The following PRKAA2 variants were observed in gnomAD, a reference collection of about 807,000 sequenced individuals.
The protein encoded by PRKAA2 is protein kinase AMP-activated catalytic subunit alpha 2.
In PRKAA2, 40 loss-of-function variants were observed where a neutral mutation model predicts 56.3. The observed-to-expected ratio is 0.71, with a 90% CI of 0.55 to 0.92. PRKAA2 has a LOEUF of 0.92. PRKAA2 is among the 40% of genes least tolerant of loss of function. The probability of loss-of-function intolerance (pLI) is 0.00; values close to 1 mark genes in which losing one functional copy is unlikely to be tolerated. For missense variants in PRKAA2, 542 were observed against 686.9 expected (o/e 0.79, Z 2.36); for synonymous variants, 214 against 234.2 (o/e 0.91, Z 0.79).
At chr1:56,680,339 T>C (rs1280337303) in intron 2 of PRKAA2, among the ~76,000 whole-genome samples, 1 of 152,144 alleles carries the variant, frequency 6.6e-6, no homozygotes, top group Non-Finnish European at 1.5e-5. Flanking sequence ...GCAGGAATTA[T>C]GGTTTTTTTT....
At chr1:56,674,844 T>G (rs1644102427) in intron 2 of PRKAA2, among the ~76,000 whole-genome samples, 1 of 152,072 alleles carries the variant, frequency 6.6e-6, no homozygotes, top group Non-Finnish European at 1.5e-5. Context: ...TATCCAACTT[T>G]AAATGTCATT....
At position 56,655,280 on chromosome 1, in the gene PRKAA2, A is replaced by ATATATATTTT; in HGVS notation, c.94+9800_94+9801insATATATTTTT. Among the ~76,000 whole-genome samples, 487 of 93,638 alleles carry ATATATATTTT rather than the reference A, an allele frequency of 5.2e-3. 12 individuals carry two copies. Among genetic ancestry groups the ATATATATTTT allele is most frequent in the African/African-American group, 0.02 (440 of 22,030 alleles). 61.4% of individuals were successfully genotyped at this position (93,638 alleles called of 152,430 possible). On this transcript the variant is annotated intron_variant, in intron 1 of 8. Transcript: ENST00000371244. ...TGTATTTATATATCTATATATATAT[A>ATATATATTTT]TTTTTTTTTTTTTTTTGTAGAGACA...
intron 2 of PRKAA2, among the ~76,000 whole-genome samples, chr1:56,677,617 C>G (rs923716823): frequency 6.6e-6 from 1 of 151,258 alleles, no homozygotes. Flanking sequence ...TAAGCAGTTG[C>G]AATTGTCATA....
chr1:56,661,879 A>G (rs1643996922), intron 1 of PRKAA2, among the ~76,000 whole-genome samples: 1 of 90,784 alleles, frequency 1.1e-5, no homozygotes, highest in African/African-American at 4.5e-5. Flanking sequence ...ACCTGCTAAT[A>G]CAATGTTACA....
chr1:56,662,763 T>G (rs1005449552), intron 1 of PRKAA2, among the ~76,000 whole-genome samples: 2 of 151,450 alleles, frequency 1.3e-5, no homozygotes, highest in Admixed American at 6.6e-5. Flanking sequence ...TGTGTGTGTG[T>G]TTTTTTTTAA....
rs1398950938 is a variant in PRKAA2, at chr1:56,703,974, G to C, written c.792G>C (p.Glu264Asp). Residue 264 changes from glutamate (E) to aspartate (D), a missense_variant, in exon 7 of 9, where the codon GAG (glutamate) becomes GAC (aspartate). By Grantham distance (45) the Glu-to-Asp change is conservative. This residue lies in a region of PRKAA2 where 198 missense variants were observed against 234.0 expected (regional missense o/e 0.85). Coordinates refer to ENST00000371244, the MANE Select transcript of PRKAA2 (RefSeq NM_006252.4). The stretch of plus-strand genomic sequence containing the variant: ...TGTATTGTGGTGTTTTTCCTAGAGA[G>C]CATGAATGGTTTAAACAAGATTTGC... The part of the protein sequence containing the change: ...LKRATIKDIR[E>D]HEWFKQDLPS... 3.1e-6 allele frequency: 5 copies of C among 1,601,302 alleles called. No homozygotes were observed. The highest frequency in any genetic ancestry group is 3.4e-6 in the Non-Finnish European group (4 of 1,174,012).
chr1:56,693,805 T>C lies in PRKAA2; in HGVS notation c.516T>C (p.Thr172=). Reference sequence around the variant, plus strand: ...TGTCAGATGGTGAATTTCTGAGAACTAGTTGCGGATCTCCAAATTATGCAG... The same window carrying C: ...TGTCAGATGGTGAATTTCTGAGAACCAGTTGCGGATCTCCAAATTATGCAG... ...NMMSDGEFLR[T]SCGSPNYAAP... Residue 172 remains threonine, a synonymous_variant, in exon 5 of 9, where the codon ACT becomes ACC. Coordinates refer to ENST00000371244, the MANE Select transcript of PRKAA2 (RefSeq NM_006252.4). The C allele has an allele frequency of 6.2e-7, 1 of 1,601,776 alleles. No homozygotes were observed.
chr1:56,654,418 T>G (rs11803642), intron 1 of PRKAA2, among the ~76,000 whole-genome samples: 5,047 of 152,214 alleles, frequency 0.033, 204 homozygotes, highest in African/African-American at 0.099. Flanking sequence ...TATTAATAAT[T>G]TTTGAAGCCA....
intron 3 of PRKAA2, among the ~76,000 whole-genome samples, chr1:56,691,837 A>G (rs1239512934): frequency 2.6e-5 from 4 of 152,148 alleles, no homozygotes; most frequent in Non-Finnish European, 2.9e-5. Context: ...CACATTTAAT[A>G]ATATTAATTG....
intron 2 of PRKAA2, among the ~76,000 whole-genome samples, chr1:56,683,105 T>C (rs1412487916): frequency 1.1e-5 from 1 of 94,124 alleles, no homozygotes; most frequent in Non-Finnish European, 2.1e-5. Flanking sequence ...TTTTTTTTGC[T>C]TAAGCAACTG....
chr1:56,675,668 A>G (rs566232274), intron 2 of PRKAA2, among the ~76,000 whole-genome samples: 1 of 152,240 alleles, frequency 6.6e-6, no homozygotes, highest in East Asian at 1.9e-4. Context: ...TTAATATACC[A>G]TTACTTAAGA....
chr1:56,663,953 G>A (rs1184664685), intron 1 of PRKAA2, among the ~76,000 whole-genome samples: 3 of 152,034 alleles, frequency 2.0e-5, no homozygotes, highest in African/African-American at 7.2e-5. Context: ...TAAAAAATTA[G>A]CTGAGCATAG....
At chr1:56,681,893 A>G (rs1040946510) in intron 2 of PRKAA2, among the ~76,000 whole-genome samples, 3 of 152,132 alleles carry the variant, frequency 2.0e-5, no homozygotes, top group Non-Finnish European at 1.5e-5. Flanking sequence ...TTCTGTGAAG[A>G]AAGTTATTGG....
chr1:56,658,825 T>G (rs1398794903), intron 1 of PRKAA2, among the ~76,000 whole-genome samples: 1 of 151,824 alleles, frequency 6.6e-6, no homozygotes, highest in Non-Finnish European at 1.5e-5. Context: ...CTGCAACCTC[T>G]GTCTCCCGGG....
At chr1:56,687,341 C>G (rs7515414) in intron 2 of PRKAA2, among the ~76,000 whole-genome samples, 60,043 of 151,860 alleles carry the variant, frequency 0.4, 12,494 homozygotes, top group Middle Eastern at 0.52. Flanking sequence ...AAGCAAAGAA[C>G]AGTTTAACAT....
chr1:56,694,171 T>A (rs1644244869), intron 5 of PRKAA2, among the ~76,000 whole-genome samples: 1 of 152,176 alleles, frequency 6.6e-6, no homozygotes, highest in Admixed American at 6.5e-5. Flanking sequence ...GTCATTTATT[T>A]ATTAGATATA....
rs536144765 is a variant in PRKAA2 at position 56,688,950 on chromosome 1, A to C, written c.237-2444A>C. Among the ~76,000 whole-genome samples the C allele has an allele frequency of 2.0e-5, 3 of 152,310 alleles. No individual in the cohort carries two copies. In the South Asian group the frequency reaches 6.2e-4, roughly 32 times the overall value. On this transcript the variant is annotated intron_variant, in intron 2 of 8. Transcript: ENST00000371244. Reference sequence around the variant, plus strand: ...AGTGCCTGGCAGACAGTAAGTGCTTAGTAACGTTATGATTTTCATTGCTCT... The same window carrying C: ...AGTGCCTGGCAGACAGTAAGTGCTTCGTAACGTTATGATTTTCATTGCTCT...
intron 1 of PRKAA2, among the ~76,000 whole-genome samples, chr1:56,657,054 G>C (rs1643950154): frequency 6.6e-6 from 1 of 152,164 alleles, no homozygotes; most frequent in South Asian, 2.1e-4. Context: ...GAAGCCCCCA[G>C]CAGAATAAAT....
intron 2 of PRKAA2, among the ~76,000 whole-genome samples, chr1:56,686,665 T>C (rs891334021): frequency 6.6e-6 from 1 of 151,994 alleles, no homozygotes; most frequent in African/African-American, 2.4e-5. Context: ...CCAGCTCTCT[T>C]ATGAACTGAG....
Sources: allele counts gnomAD v4.1 joint callset (sites outside exome capture counted in the v4.1 genomes callset), GRCh38; gene constraint gnomAD v4.1.1; regional missense constraint gnomAD v4.1.1; transcripts MANE v1.5; gene names NCBI Gene and HGNC (gene_info 2026-07-23, HGNC 2026-07-21).